Variants in PSD3 observed in about 807,000 individuals in gnomAD.
PSD3 encodes the protein pleckstrin and Sec7 domain containing 3.
Under a neutral mutation model 105.5 loss-of-function variants are expected in PSD3, and 49 were observed. The ratio of observed to expected loss-of-function variants is 0.46; its 90% CI spans 0.37 to 0.59. The LOEUF (loss-of-function observed/expected upper bound fraction) is 0.59. Ranked by LOEUF, PSD3 falls within the 20% of genes least tolerant of loss-of-function variation. PSD3 has a pLI of 0.00. For synonymous variants in PSD3, 557 were observed against 457.8 expected, an observed-to-expected ratio of 1.22 and a Z score of -2.77; for missense variants, 1,561 against 1,263.8, an observed-to-expected ratio of 1.24 and a Z score of -3.57.
rs79894004 is a variant in PSD3, at chr8:19,019,251, A to AT, written c.324+64954dup. Among the ~76,000 whole-genome samples the AT allele has an allele frequency of 5.9e-4, 89 of 151,476 alleles. 1 individual carries two copies. The highest frequency in any genetic ancestry group is 1.6e-3 in the African/African-American group (66 of 41,294). On this transcript the variant is annotated intron_variant, in intron 1 of 1. Transcript: ENST00000521475. ...CTTTAAACTTAAAACTCATCAACTC[A>AT]TTTTTTTTTATCTCTATTATGAGTT...
chr8:19,020,316 A>T (rs1435625739), intron 1 of PSD3, among the ~76,000 whole-genome samples: 1 of 152,122 alleles, frequency 6.6e-6, no homozygotes, highest in Non-Finnish European at 1.5e-5. Flanking sequence ...ATTGCAAAGG[A>T]TATTGAGAGA....
At chr8:18,665,381 A>G (rs1264443688) in intron 9 of PSD3, among the ~76,000 whole-genome samples, 2 of 152,268 alleles carry the variant, frequency 1.3e-5, no homozygotes, top group Non-Finnish European at 2.9e-5. Context: ...TGGTGGAAAC[A>G]GTAACACAGC....
intron 1 of PSD3, among the ~76,000 whole-genome samples, chr8:18,953,182 T>C (rs1268478560): frequency 6.6e-6 from 1 of 152,096 alleles, no homozygotes; most frequent in Non-Finnish European, 1.5e-5. Context: ...CCCACAATAG[T>C]GGCAATGATC....
chr8:18,587,940 G>C (rs1178628714), intron 12 of PSD3, among the ~76,000 whole-genome samples: 2 of 152,108 alleles, frequency 1.3e-5, no homozygotes, highest in Non-Finnish European at 2.9e-5. Context: ...TGGTAGATTA[G>C]GCTTCCAACC....
intron 1 of PSD3, among the ~76,000 whole-genome samples, chr8:19,026,841 C>T (rs1298768360): frequency 6.6e-6 from 1 of 151,884 alleles, no homozygotes; most frequent in African/African-American, 2.4e-5. Context: ...TCACTGCACT[C>T]TAGCCCTGGG....
At chr8:18,583,255 G>A (rs959109422) in intron 12 of PSD3, among the ~76,000 whole-genome samples, 15 of 152,224 alleles carry the variant, frequency 9.9e-5, no homozygotes, top group African/African-American at 2.4e-4. Context: ...CCTGGGTAAC[G>A]AAGTGAGATC....
intron 9 of PSD3, among the ~76,000 whole-genome samples, chr8:18,752,343 T>C (rs1343660548): frequency 6.8e-6 from 1 of 147,758 alleles, no homozygotes; most frequent in East Asian, 2.0e-4. Context: ...ACACTAGGTA[T>C]GAGGCATACT....
At chr8:19,018,836 G>A (rs751694879) in intron 1 of PSD3, among the ~76,000 whole-genome samples, 15 of 152,206 alleles carry the variant, frequency 9.9e-5, no homozygotes, top group East Asian at 5.8e-4. Context: ...TTGCTCTGTC[G>A]CCCAGTCTGG....
At chr8:19,046,148 G>A (rs555460847) in intron 1 of PSD3, among the ~76,000 whole-genome samples, 37 of 152,142 alleles carry the variant, frequency 2.4e-4, no homozygotes, top group Non-Finnish European at 2.8e-4. Flanking sequence ...GTCTCACTCT[G>A]TTGCCCAGGC....
intron 9 of PSD3, among the ~76,000 whole-genome samples, chr8:18,658,781 G>A (rs985804386): frequency 9.9e-5 from 15 of 150,818 alleles, no homozygotes; most frequent in African/African-American, 3.2e-4. Flanking sequence ...TAAGGGTAAG[G>A]AGGCCTAATA....
chr8:18,789,566 A>C (rs1809503417), intron 8 of PSD3, among the ~76,000 whole-genome samples: 1 of 152,190 alleles, frequency 6.6e-6, no homozygotes. Context: ...TAAGAGTATA[A>C]AGCTATCCTG....
At chr8:18,739,221 C>T (rs763732146) in intron 9 of PSD3, among the ~76,000 whole-genome samples, 2 of 152,016 alleles carry the variant, frequency 1.3e-5, no homozygotes, top group Non-Finnish European at 2.9e-5. Flanking sequence ...TAATCAGTAA[C>T]AAGGAAGCAG....
chr8:19,002,880 C>G (rs78122429), intron 1 of PSD3, among the ~76,000 whole-genome samples: 1,962 of 152,092 alleles, frequency 0.013, 45 homozygotes, highest in African/African-American at 0.044. Flanking sequence ...TGTAGGCAAT[C>G]ACAGTCTAGG....
chr8:18,538,285 A>T (rs1799947429), intron 15 of PSD3, among the ~76,000 whole-genome samples: 1 of 152,264 alleles, frequency 6.6e-6, no homozygotes, highest in Admixed American at 6.5e-5. Flanking sequence ...AAAATACAGA[A>T]TAGCATGCTA....
At chr8:18,574,225 T>C (rs556651645) in intron 13 of PSD3, among the ~76,000 whole-genome samples, 2 of 152,278 alleles carry the variant, frequency 1.3e-5, no homozygotes, top group Non-Finnish European at 2.9e-5. Flanking sequence ...CAAACAAACC[T>C]GAGACCACTC....
chr8:19,066,827 G>A (rs1251141857), intron 1 of PSD3, among the ~76,000 whole-genome samples: 1 of 152,316 alleles, frequency 6.6e-6, no homozygotes, highest in South Asian at 2.1e-4. Flanking sequence ...CTATTAGCCT[G>A]GAAGTCACTT....
At chr8:18,801,155 T>C (rs1810645072) in intron 7 of PSD3, 115 bp downstream of exon 7, 1 of 605,482 alleles carries the variant, frequency 1.7e-6, no homozygotes, top group Non-Finnish European at 2.9e-6. Flanking sequence ...GAAGTGTTAA[T>C]AGTTATCACT....
rs2129888699 is a variant in PSD3 at position 18,534,071 on chromosome 8, T to C, written c.*1672A>G. On this transcript the variant is annotated 3_prime_UTR_variant, in exon 16 of 16. Coordinates refer to ENST00000327040, the MANE Select transcript of PSD3 (RefSeq NM_015310.4). ...AATAAATAATTCTGTAAATAAATGC[T>C]AGTACATCATAATAACATACCACTT... 6.6e-6 allele frequency: 1 copy of C among 152,312 alleles called. No homozygotes were observed. The highest frequency in any genetic ancestry group is 1.9e-4 in the East Asian group (1 of 5,176). The allele number at this position is 152,312 out of a possible 1,614,324, so 9.4% of individuals were successfully genotyped here.
intron 1 of PSD3, among the ~76,000 whole-genome samples, chr8:19,047,942 CT>C (rs961659189): frequency 4.0e-5 from 6 of 148,364 alleles, no homozygotes; most frequent in African/African-American, 7.4e-5. Flanking sequence ...GGCTAGATTT[CT>C]TTTTTTTTTA....
Sources: gnomAD v4.1 joint callset for allele counts (sites outside exome capture counted in the v4.1 genomes callset) on GRCh38, gnomAD v4.1.1 for gene constraint, MANE v1.5 for transcripts, NCBI Gene and HGNC (gene_info 2026-07-23, HGNC 2026-07-21) for gene names.